POU3F3: variants seen among roughly 807,000 people sequenced by gnomAD.
POU3F3 encodes the protein POU domain, class 3, transcription factor 3.
Under a neutral mutation model 8.6 loss-of-function variants are expected in POU3F3, and 1 was observed. The observed-to-expected ratio is 0.12, with a 90% CI of 0.04 to 0.55. POU3F3 has a LOEUF of 0.55. Ranked by LOEUF, POU3F3 falls within the 20% of genes least tolerant of loss-of-function variation. POU3F3 has a pLI of 0.91. For synonymous variants in POU3F3, 418 were observed against 327.4 expected (o/e 1.28, Z -2.99); for missense variants, 577 against 690.7 (o/e 0.84, Z 1.84).
the POU3F3 span, among the ~76,000 whole-genome samples, chr2:104,870,866 C>G: frequency 6.6e-6 from 1 of 152,168 alleles, no homozygotes; most frequent in South Asian, 2.1e-4. Context: ...ATAAATAAAC[C>G]CAGCTACACA....
At chr2:104,869,074 A>G in the POU3F3 span, among the ~76,000 whole-genome samples, 71 of 152,226 alleles carry the variant, frequency 4.7e-4, no homozygotes, top group African/African-American at 1.6e-3. Flanking sequence ...GGGTTCAAAA[A>G]CCTCAGTGGA....
At chr2:104,909,383 C>G in the POU3F3 span, among the ~76,000 whole-genome samples, 1 of 152,140 alleles carries the variant, frequency 6.6e-6, no homozygotes, top group Admixed American at 6.5e-5. Context: ...CAAATGGTAC[C>G]CTGGGATACA....
At chr2:104,894,522 T>A in the POU3F3 span, among the ~76,000 whole-genome samples, 1 of 152,152 alleles carries the variant, frequency 6.6e-6, no homozygotes, top group African/African-American at 2.4e-5. Flanking sequence ...CCCTGTAGCC[T>A]GCCTGCACGA....
At chr2:104,906,694 G>C in the POU3F3 span, among the ~76,000 whole-genome samples, 1 of 151,998 alleles carries the variant, frequency 6.6e-6, no homozygotes, top group Non-Finnish European at 1.5e-5. Flanking sequence ...GATTTTTATA[G>C]TTTTCTCCAT....
chr2:104,867,890 C>T, the POU3F3 span: 21 of 198,474 alleles, frequency 1.1e-4, 1 homozygote, highest in South Asian at 7.3e-4. The surrounding 1 kb of genome is among the most constrained non-coding windows in gnomAD (Gnocchi z 5.0). Flanking sequence ...TTCCCAGCAG[C>T]CAAGGCTGCG....
chr2:104,923,181 G>A, the POU3F3 span, among the ~76,000 whole-genome samples: 5 of 152,300 alleles, frequency 3.3e-5, no homozygotes, highest in East Asian at 7.7e-4. Context: ...GGACACTAGA[G>A]AGTAACATGA....
the POU3F3 span, among the ~76,000 whole-genome samples, chr2:104,895,673 A>C: frequency 3.3e-5 from 5 of 152,286 alleles, no homozygotes; most frequent in Admixed American, 6.5e-5. Context: ...TCTGCACCCT[A>C]TTCCTGCTGC....
the POU3F3 span, among the ~76,000 whole-genome samples, chr2:104,894,460 C>T: frequency 6.6e-6 from 1 of 152,238 alleles, no homozygotes; most frequent in East Asian, 1.9e-4. Flanking sequence ...GGTCACAGCC[C>T]CATGGTTGAT....
chr2:104,874,624 C>G, the POU3F3 span, among the ~76,000 whole-genome samples: 1 of 152,072 alleles, frequency 6.6e-6, no homozygotes, highest in Non-Finnish European at 1.5e-5. Flanking sequence ...GGTGAGGCAT[C>G]CGGAAGTAGC....
the POU3F3 span, among the ~76,000 whole-genome samples, chr2:104,874,416 T>C: frequency 6.6e-6 from 1 of 152,072 alleles, no homozygotes; most frequent in East Asian, 1.9e-4. Context: ...ATCGGGAACA[T>C]GCACTCCTGT....
the POU3F3 span, among the ~76,000 whole-genome samples, chr2:104,906,581 T>C: frequency 2.0e-5 from 3 of 152,224 alleles, no homozygotes; most frequent in African/African-American, 7.2e-5. Flanking sequence ...GGAACTTCTA[T>C]TGGGATTGTA....
chr2:104,881,100 C>CTCTTTCTTTCTTTCTT, the POU3F3 span, among the ~76,000 whole-genome samples: 6 of 120,434 alleles, frequency 5.0e-5, no homozygotes, highest in African/African-American at 1.5e-4. Context: ...TATATATTTT[C>CTCTTTCTTTCTTTCTT]TCTTTCTTTC....
chr2:104,886,705 C>T, the POU3F3 span, among the ~76,000 whole-genome samples: 7 of 152,036 alleles, frequency 4.6e-5, no homozygotes, highest in Admixed American at 2.6e-4. Context: ...GTCTGGAGTT[C>T]GAGACCAGCC....
At chr2:104,861,776 G>A (rs530669819), downstream of POU3F3, among the ~76,000 whole-genome samples, 186 of 152,176 alleles carry the variant, frequency 1.2e-3, no homozygotes, top group Non-Finnish European at 2.3e-3. Context: ...AGAAGCGTGG[G>A]GCAACCTCTC....
the POU3F3 span, among the ~76,000 whole-genome samples, chr2:104,903,650 A>G: frequency 6.6e-6 from 1 of 152,228 alleles, no homozygotes; most frequent in South Asian, 2.1e-4. Flanking sequence ...AAATGGCACC[A>G]GGCATATGTG....
the POU3F3 span, among the ~76,000 whole-genome samples, chr2:104,895,980 G>A: frequency 6.6e-6 from 1 of 152,214 alleles, no homozygotes; most frequent in African/African-American, 2.4e-5. Flanking sequence ...CAGGTGGGCA[G>A]CTGGGGCAGA....
At chr2:104,875,242 G>A in the POU3F3 span, among the ~76,000 whole-genome samples, 11 of 152,274 alleles carry the variant, frequency 7.2e-5, no homozygotes, top group Non-Finnish European at 1.2e-4. Flanking sequence ...ATCTGTCCCC[G>A]GACACTTGAG....
the POU3F3 span, among the ~76,000 whole-genome samples, chr2:104,897,265 A>C: frequency 3.3e-5 from 5 of 152,126 alleles, no homozygotes; most frequent in Admixed American, 6.5e-5. Context: ...AGAATGAAGA[A>C]CCAGACCCTC....
chr2:104,892,719 A>G, the POU3F3 span, among the ~76,000 whole-genome samples: 1 of 149,962 alleles, frequency 6.7e-6, no homozygotes, highest in Non-Finnish European at 1.5e-5. Context: ...ACACATATGG[A>G]GAGAGAGAGA....
Sources: allele counts gnomAD v4.1 joint callset (sites outside exome capture counted in the v4.1 genomes callset), GRCh38; gene constraint gnomAD v4.1.1; non-coding constraint Gnocchi (gnomAD v3.1); transcripts MANE v1.5; gene names NCBI Gene and HGNC (gene_info 2026-07-23, HGNC 2026-07-21).